HMGCS1: variants seen among roughly 807,000 people sequenced by gnomAD.
HMGCS1 encodes hydroxymethylglutaryl-CoA synthase, cytoplasmic.
HMGCS1 carries 9 observed loss-of-function variants against 52.3 expected under a neutral mutation model. The ratio of observed to expected loss-of-function variants is 0.17; its 90% CI spans 0.10 to 0.30. The LOEUF (loss-of-function observed/expected upper bound fraction) is 0.30, where lower values mean the gene tolerates loss of function less well. Among genes scored for constraint, HMGCS1 ranks in the 10% least tolerant of loss-of-function variants. The pLI is 1.00. For missense variants in HMGCS1, 320 were observed against 620.9 expected (o/e 0.52, Z 5.15); for synonymous variants, 176 against 214.4 (o/e 0.82, Z 1.57).
At chr5:43,307,539 C>T (rs909996216) in intron 2 of HMGCS1, among the ~76,000 whole-genome samples, 4 of 152,106 alleles carry the variant, frequency 2.6e-5, no homozygotes, top group East Asian at 3.8e-4. Context: ...TGAGTGAACA[C>T]TAATTTTTAA....
At chr5:43,300,592 C>T (rs1754263582) in intron 2 of HMGCS1, among the ~76,000 whole-genome samples, 1 of 151,640 alleles carries the variant, frequency 6.6e-6, no homozygotes, top group Non-Finnish European at 1.5e-5. Context: ...GAGTTCAAGA[C>T]CAGCCTAGGC....
At chr5:43,303,153 A>G (rs1176541071) in intron 2 of HMGCS1, among the ~76,000 whole-genome samples, 1 of 152,244 alleles carries the variant, frequency 6.6e-6, no homozygotes, top group Non-Finnish European at 1.5e-5. Flanking sequence ...AGTACGAAAT[A>G]TAGCATTCAG....
chr5:43,290,532 T>G lies in HMGCS1; in HGVS notation c.*599A>C, dbSNP rs1753697514. ...ACATTCCAGATTCCAGAGCCAGTGT[T>G]TTATTGTCCCAGCTCTTTTCTTCCT... On this transcript the variant is annotated 3_prime_UTR_variant, in exon 11 of 11. Coordinates refer to ENST00000325110, the MANE Select transcript of HMGCS1 (RefSeq NM_001098272.3). The G allele has an allele frequency of 6.6e-6, 1 of 152,238 alleles. No homozygotes were observed. The highest frequency in any genetic ancestry group is 6.5e-5 in the Admixed American group (1 of 15,280). 9.4% of individuals were successfully genotyped at this position (152,238 alleles called of 1,614,324 possible).
intron 1 of HMGCS1, among the ~76,000 whole-genome samples, chr5:43,309,421 G>C (rs148069999): frequency 1.3e-5 from 2 of 151,964 alleles, no homozygotes; most frequent in Non-Finnish European, 2.9e-5. Flanking sequence ...TGTATTTTTT[G>C]TAGAGATGGG....
At position 43,287,529 on chromosome 5, in the gene HMGCS1, T is replaced by C. The variant is rs1413024792; in HGVS notation, c.*3602A>G. The C allele has an allele frequency of 1.3e-5, 2 of 150,764 alleles. No homozygotes were observed. Among genetic ancestry groups the C allele is most frequent in the Non-Finnish European group, 3.0e-5 (2 of 67,772 alleles). 9.3% of individuals were successfully genotyped at this position (150,764 alleles called of 1,614,324 possible). On this transcript the variant is annotated 3_prime_UTR_variant, in exon 11 of 11. Transcript: ENST00000325110. Reference sequence around the variant, plus strand: ...AGGATGCAAGAGAGATGCACAGGAGTGAAACAAAAGAGGAAAGCCAATATA... The same window carrying C: ...AGGATGCAAGAGAGATGCACAGGAGCGAAACAAAAGAGGAAAGCCAATATA...
chr5:43,307,029 G>A (rs964548558), intron 2 of HMGCS1, among the ~76,000 whole-genome samples: 6 of 150,892 alleles, frequency 4.0e-5, no homozygotes, highest in Admixed American at 1.3e-4. Flanking sequence ...TAGATTACCA[G>A]TTGAAACACA....
intron 4 of HMGCS1, 89 bp from the exon 5 acceptor site, chr5:43,297,255 C>G: frequency 9.4e-7 from 1 of 1,061,764 alleles, no homozygotes; most frequent in Admixed American, 2.3e-5. Flanking sequence ...TAAGGACCTT[C>G]CTTAACTATC....
rs1754156230 is a variant in HMGCS1, at chr5:43,298,678, T to C, written c.288A>G (p.Thr96=). 6.2e-7 allele frequency: 1 copy of C among 1,614,116 alleles called. No homozygotes were observed. Among genetic ancestry groups the C allele is most frequent in the Non-Finnish European group, 8.5e-7 (1 of 1,180,038 alleles). ...CIGRLEVGTE[T]IIDKSKSVKT... is the part of the protein sequence containing the mutation. ...TCACAGACTTTGATTTGTCGATGAT[T>C]GTCTCTGTTCCAACTTCCAGCCGCC... Residue 96 remains threonine (T), a synonymous_variant, in exon 3 of 11, where the codon ACA becomes ACG. Coordinates refer to ENST00000325110, the MANE Select transcript of HMGCS1 (RefSeq NM_001098272.3). The surrounding 1 kb of genome is among the most constrained non-coding windows in gnomAD (Gnocchi z 5.6).
intron 1 of HMGCS1, among the ~76,000 whole-genome samples, chr5:43,312,696 A>C (rs79786236): frequency 3.3e-5 from 5 of 150,296 alleles, no homozygotes; most frequent in African/African-American, 9.9e-5. Flanking sequence ...AAACGTAGAC[A>C]AAAAAAAATA....
At chr5:43,294,653 A>C (rs771574250) in intron 7 of HMGCS1, 38 bp downstream of exon 7, 1 of 1,467,884 alleles carries the variant, frequency 6.8e-7, no homozygotes, top group South Asian at 1.3e-5. Context: ...CATCTCCCAA[A>C]TAAGGGGAGT....
intron 5 of HMGCS1, among the ~76,000 whole-genome samples, chr5:43,296,730 A>G (rs1486947281): frequency 6.6e-6 from 1 of 152,220 alleles, no homozygotes; most frequent in Non-Finnish European, 1.5e-5. Flanking sequence ...ACAAAATTCA[A>G]CTTACCTTCT....
At chr5:43,302,154 T>C (rs1754350487) in intron 2 of HMGCS1, among the ~76,000 whole-genome samples, 1 of 152,206 alleles carries the variant, frequency 6.6e-6, no homozygotes, top group Admixed American at 6.5e-5. Context: ...TTCCTTCCTA[T>C]ATGGGACTTA....
At chr5:43,310,120 A>G (rs1328181675) in intron 1 of HMGCS1, among the ~76,000 whole-genome samples, 3 of 152,250 alleles carry the variant, frequency 2.0e-5, no homozygotes, top group Non-Finnish European at 4.4e-5. Flanking sequence ...TTTCCTCCTT[A>G]GGAGCAAGCA....
At chr5:43,295,618 G>T in intron 6 of HMGCS1, 134 bp downstream of exon 6, 2 of 626,948 alleles carry the variant, frequency 3.2e-6, no homozygotes, top group Non-Finnish European at 5.6e-6. Context: ...CACTGACTGA[G>T]ACACACAGAT....
intron 2 of HMGCS1, 79 bp from the exon 3 acceptor site, chr5:43,299,054 T>C: frequency 5.8e-6 from 6 of 1,029,706 alleles, no homozygotes; most frequent in Non-Finnish European, 8.4e-6. Flanking sequence ...GAGAAATAGA[T>C]ATTAAGAGTT....
chr5:43,296,023 C>T (rs1430533819), intron 5 of HMGCS1, 106 bp from the exon 6 acceptor site: 4 of 718,278 alleles, frequency 5.6e-6, no homozygotes, highest in Non-Finnish European at 9.4e-6. Context: ...AAACAGCAAC[C>T]ACAAATACAC....
chr5:43,300,802 G>GAAAAAA (rs34564699), intron 2 of HMGCS1, among the ~76,000 whole-genome samples: 1 of 120,424 alleles, frequency 8.3e-6, no homozygotes. Context: ...ATAGAGAAAG[G>GAAAAAA]AAAAAAAAAA....
chr5:43,298,163 G>A lies in HMGCS1; in HGVS notation c.449-29C>T. ...AAAAATATTTTTTGTTATTTCACAAGAAGGAATTCAACACTATAACCAAAC... is the reference window on the plus strand; with the variant it reads ...AAAAATATTTTTTGTTATTTCACAAAAAGGAATTCAACACTATAACCAAAC... On this transcript the variant is annotated intron_variant, in intron 3 of 10. Transcript: ENST00000325110. The surrounding 1 kb of genome is among the most constrained non-coding windows in gnomAD (Gnocchi z 5.6). The A allele has an allele frequency of 6.3e-7, 1 of 1,592,632 alleles. No homozygotes were observed.
At chr5:43,305,591 GA>G (rs1403847427) in intron 2 of HMGCS1, among the ~76,000 whole-genome samples, 2 of 151,796 alleles carry the variant, frequency 1.3e-5, no homozygotes, top group Non-Finnish European at 2.9e-5. Flanking sequence ...CCAAAATGGT[GA>G]AACCCCCTCT....
Sources: gnomAD v4.1 joint callset for allele counts (sites outside exome capture counted in the v4.1 genomes callset) on GRCh38, gnomAD v4.1.1 for gene constraint, Gnocchi (gnomAD v3.1) non-coding constraint, MANE v1.5 for transcripts, NCBI Gene and HGNC (gene_info 2026-07-23, HGNC 2026-07-21) for gene names.